The following MCTP1 variants were observed in gnomAD, a reference collection of about 807,000 sequenced individuals.
MCTP1 encodes the protein multiple C2 and transmembrane domain containing 1.
MCTP1 carries 69 observed loss-of-function variants against 120.6 expected under a neutral mutation model. That is an observed-to-expected ratio of 0.57 (90% CI 0.47 to 0.70). MCTP1 has a LOEUF of 0.70. MCTP1 is among the 30% of genes least tolerant of loss of function. The probability of loss-of-function intolerance (pLI) is 0.00; values close to 1 mark genes in which losing one functional copy is unlikely to be tolerated. For synonymous variants in MCTP1, 529 were observed against 493.1 expected (o/e 1.07, Z -0.96); for missense variants, 1,203 against 1,248.8 (o/e 0.96, Z 0.55).
intron 1 of MCTP1, among the ~76,000 whole-genome samples, chr5:95,043,191 A>G (rs993489543): frequency 1.3e-5 from 2 of 152,206 alleles, no homozygotes; most frequent in African/African-American, 4.8e-5. Flanking sequence ...AGAGGGTCAC[A>G]TTTAACAATG....
intron 19 of MCTP1, among the ~76,000 whole-genome samples, chr5:94,734,135 C>T (rs1300890111): frequency 1.3e-5 from 2 of 152,044 alleles, no homozygotes; most frequent in Non-Finnish European, 2.9e-5. Context: ...CTAAATGTAC[C>T]AGCTGCCACT....
intron 2 of MCTP1, among the ~76,000 whole-genome samples, chr5:95,000,666 T>G (rs1833497255): frequency 6.6e-6 from 1 of 152,196 alleles, no homozygotes; most frequent in Admixed American, 6.5e-5. Flanking sequence ...GTTTGTGTTT[T>G]CAGCTGTTAT....
chr5:94,707,170 G>A lies in MCTP1; in HGVS notation c.*326C>T. On this transcript the variant is annotated 3_prime_UTR_variant, in exon 23 of 23. Transcript: ENST00000515393. The stretch of plus-strand genomic sequence containing the variant: ...TGATGTAGATTTAATCAGAGCACAG[G>A]TGAGTATTTAATCCACTAGTAATTA... 5.0e-6 allele frequency: 1 copy of A among 198,260 alleles called. No individual in the cohort carries two copies. 12.3% of individuals were successfully genotyped at this position (198,260 alleles called of 1,614,324 possible). A position where few individuals can be genotyped will look rare whatever the true frequency, so the allele number is the denominator to read the frequency against.
chr5:95,248,058 C>A (rs186993597), intron 1 of MCTP1, among the ~76,000 whole-genome samples: 3 of 152,096 alleles, frequency 2.0e-5, no homozygotes, highest in African/African-American at 7.2e-5. Flanking sequence ...AAAACTACAG[C>A]CAATATTATA....
chr5:95,054,522 T>C (rs908596081), intron 1 of MCTP1, among the ~76,000 whole-genome samples: 1 of 152,216 alleles, frequency 6.6e-6, no homozygotes, highest in Non-Finnish European at 1.5e-5. Context: ...ACAATCAAGA[T>C]GCTAGAACCC....
rs553524210 is a variant in MCTP1 at position 94,894,796 on chromosome 5, C to G, written c.1692G>C (p.Thr564=). ...CTTCCAGCTGCAACTCCAGCTTGTG[C>G]GTCTGTTCCCTACTGAGGGCTGACA... The part of the protein sequence containing the change: ...VDLSALSREQ[T]HKLELQLEEG... The change falls in exon 11 of 23, where the codon ACG becomes ACC. Residue 564 remains threonine (T), a synonymous_variant. Coordinates refer to ENST00000515393, the MANE Select transcript of MCTP1 (RefSeq NM_024717.7). The G allele has an allele frequency of 1.2e-6, 2 of 1,610,550 alleles. No homozygotes were observed. Among genetic ancestry groups the G allele is most frequent in the Non-Finnish European group, 8.5e-7 (1 of 1,177,852 alleles).
intron 2 of MCTP1, among the ~76,000 whole-genome samples, chr5:94,986,959 C>A (rs1288354593): frequency 6.6e-6 from 1 of 152,178 alleles, no homozygotes; most frequent in Non-Finnish European, 1.5e-5. Context: ...TTGCATACAA[C>A]CTACATGCAT....
chr5:94,708,772 C>CT (rs1456546343), intron 21 of MCTP1, 163 bp from the exon 22 acceptor site: 10 of 546,260 alleles, frequency 1.8e-5, no homozygotes, highest in African/African-American at 7.6e-5. Context: ...AGCTCAACTG[C>CT]TTTTTTTACT....
chr5:95,201,963 C>G (rs1448416322), intron 1 of MCTP1, among the ~76,000 whole-genome samples: 1 of 152,174 alleles, frequency 6.6e-6, no homozygotes, highest in African/African-American at 2.4e-5. Context: ...ATTCACATTT[C>G]AAACATTTCT....
At position 94,704,359 on chromosome 5, in the gene MCTP1, TTTTG is replaced by T. The variant is rs1446911802; in HGVS notation, c.*3133_*3136del. ...AAAAAGGTATAACTGCCTTATACCT[TTTTG>T]TTTGTTCTTAATGCTTAGTCAACAT... On this transcript the variant is annotated 3_prime_UTR_variant, in exon 23 of 23. Coordinates refer to ENST00000515393, the MANE Select transcript of MCTP1 (RefSeq NM_024717.7). 6.6e-6 allele frequency: 1 copy of T among 151,562 alleles called. No individual in the cohort carries two copies. The highest frequency in any genetic ancestry group is 2.4e-5 in the African/African-American group (1 of 41,364). 9.4% of individuals were successfully genotyped at this position (151,562 alleles called of 1,614,324 possible).
intron 18 of MCTP1, among the ~76,000 whole-genome samples, chr5:94,794,262 A>ATT (rs1239518997): frequency 6.6e-6 from 1 of 152,246 alleles, no homozygotes; most frequent in East Asian, 1.9e-4. Flanking sequence ...TGTCAAAGAA[A>ATT]TTTTTGAATT....
intron 1 of MCTP1, among the ~76,000 whole-genome samples, chr5:95,207,903 C>A (rs1751806051): frequency 8.1e-6 from 1 of 123,872 alleles, no homozygotes; most frequent in Non-Finnish European, 1.6e-5. Context: ...GTAACAAATC[C>A]AAAATGAAAA....
chr5:95,180,682 T>C (rs990719125), intron 1 of MCTP1, among the ~76,000 whole-genome samples: 1 of 152,178 alleles, frequency 6.6e-6, no homozygotes, highest in Admixed American at 6.5e-5. Context: ...AGGTTTTAAA[T>C]AGCATTTATA....
At chr5:95,210,133 G>GA (rs1267666690) in intron 1 of MCTP1, among the ~76,000 whole-genome samples, 5 of 152,224 alleles carry the variant, frequency 3.3e-5, no homozygotes, top group Admixed American at 1.3e-4. Flanking sequence ...GTGTGGTGCT[G>GA]AAAAAAATGT....
chr5:95,267,586 A>T (rs1228915819), intron 1 of MCTP1, among the ~76,000 whole-genome samples: 1 of 152,246 alleles, frequency 6.6e-6, no homozygotes, highest in East Asian at 1.9e-4. Context: ...TAAGGAAAAC[A>T]TAGCTCCAAC....
At chr5:94,747,964 C>T (rs1036813260) in intron 19 of MCTP1, among the ~76,000 whole-genome samples, 1 of 152,044 alleles carries the variant, frequency 6.6e-6, no homozygotes, top group Non-Finnish European at 1.5e-5. Context: ...GTGGCGCGCG[C>T]CTGTAATCCC....
In MCTP1 at chr5:95,085,862, A is replaced by C. The variant is rs190826899; in HGVS notation, c.721-68378T>G. Among the ~76,000 whole-genome samples the C allele has an allele frequency of 2.9e-3, 440 of 152,204 alleles. 3 individuals are homozygous for C. Among genetic ancestry groups the C allele is most frequent in the Non-Finnish European group, 5.4e-4 (37 of 67,964 alleles). On this transcript the variant is annotated intron_variant, in intron 1 of 22. Coordinates refer to ENST00000515393, the MANE Select transcript of MCTP1 (RefSeq NM_024717.7). ...AATTTGGATTTCCCTGATTACTACCAAAGTTGAGTATTTTACCTTATTATT... is the reference window on the plus strand; with the variant it reads ...AATTTGGATTTCCCTGATTACTACCCAAGTTGAGTATTTTACCTTATTATT...
chr5:94,940,682 GACTT>G (rs1817501378), intron 4 of MCTP1, among the ~76,000 whole-genome samples: 1 of 147,698 alleles, frequency 6.8e-6, no homozygotes, highest in Non-Finnish European at 1.5e-5. Flanking sequence ...GTTACAGTCT[GACTT>G]AGTTCATTTT....
chr5:94,872,854 C>T (rs111987604), intron 13 of MCTP1, among the ~76,000 whole-genome samples: 7 of 152,024 alleles, frequency 4.6e-5, no homozygotes, highest in African/African-American at 4.8e-5. Flanking sequence ...AAGGAAGAAG[C>T]GGTATGGTGA....
Sources: allele counts gnomAD v4.1 joint callset (sites outside exome capture counted in the v4.1 genomes callset), GRCh38; gene constraint gnomAD v4.1.1; transcripts MANE v1.5; gene names NCBI Gene and HGNC (gene_info 2026-07-23, HGNC 2026-07-21).